Variants in GRM7 observed in about 807,000 individuals in gnomAD.
The protein encoded by GRM7 is glutamate metabotropic receptor 7, also known as metabotropic glutamate receptor 7.
GRM7 carries 35 observed loss-of-function variants against 84.5 expected under a neutral mutation model. The ratio of observed to expected loss-of-function variants is 0.41; its 90% CI spans 0.32 to 0.55. GRM7 has a LOEUF of 0.55. Among genes scored for constraint, GRM7 ranks in the 20% least tolerant of loss-of-function variants. The pLI is 0.19. For synonymous variants in GRM7, 487 were observed against 455.1 expected, an observed-to-expected ratio of 1.07 and a Z score of -0.89; for missense variants, 1,003 against 1,194.6, an observed-to-expected ratio of 0.84 and a Z score of 2.36.
chr3:7,013,768 AT>A (rs951116271), intron 1 of GRM7, among the ~76,000 whole-genome samples: 10 of 151,478 alleles, frequency 6.6e-5, no homozygotes, highest in East Asian at 1.9e-4. Context: ...ATCTCTTACA[AT>A]TTTTTTTTAA....
intron 1 of GRM7, among the ~76,000 whole-genome samples, chr3:7,119,095 C>T (rs1056191701): frequency 6.6e-6 from 1 of 151,874 alleles, no homozygotes; most frequent in Non-Finnish European, 1.5e-5. Flanking sequence ...CTTTTCTGTC[C>T]TTTATACATT....
intron 8 of GRM7, among the ~76,000 whole-genome samples, chr3:7,674,201 T>A (rs988028070): frequency 2.0e-5 from 3 of 152,086 alleles, no homozygotes; most frequent in Non-Finnish European, 2.9e-5. Context: ...TTTTTCTTTT[T>A]TTTTTTTGAG....
chr3:7,159,631 G>T (rs1056078276), intron 2 of GRM7, among the ~76,000 whole-genome samples: 3 of 152,046 alleles, frequency 2.0e-5, no homozygotes, highest in Non-Finnish European at 2.9e-5. Context: ...TTTCCTAATG[G>T]TTGGTAAGCA....
chr3:7,632,107 C>T (rs1293234489), intron 8 of GRM7, among the ~76,000 whole-genome samples: 1 of 152,146 alleles, frequency 6.6e-6, no homozygotes, highest in East Asian at 1.9e-4. Flanking sequence ...GACAGTAATG[C>T]AGGCTTGTGT....
chr3:7,441,496 T>C (rs1282328566), intron 5 of GRM7, among the ~76,000 whole-genome samples: 1 of 152,194 alleles, frequency 6.6e-6, no homozygotes, highest in Non-Finnish European at 1.5e-5. Context: ...TTAGTATAAA[T>C]AGGTCACATT....
intron 7 of GRM7, among the ~76,000 whole-genome samples, chr3:7,493,026 G>T (rs1699578143): frequency 6.6e-6 from 1 of 151,786 alleles, no homozygotes; most frequent in Non-Finnish European, 1.5e-5. Context: ...TTTCATTGCT[G>T]TTCTAGAGCA....
At chr3:7,291,466 G>A (rs1341372532) in intron 2 of GRM7, among the ~76,000 whole-genome samples, 1 of 146,794 alleles carries the variant, frequency 6.8e-6, no homozygotes, top group Non-Finnish European at 1.5e-5. Context: ...AGTACAGACA[G>A]GGTTAGAGGA....
At chr3:6,877,296 AACTC>A (rs1226791886) in intron 1 of GRM7, among the ~76,000 whole-genome samples, 1 of 152,176 alleles carries the variant, frequency 6.6e-6, no homozygotes, top group African/African-American at 2.4e-5. Flanking sequence ...AACCAAGACA[AACTC>A]ACATTAATTC....
Position 7,053,949 on chromosome 3 carries a change from T to C in GRM7, c.520-92503T>C, listed in dbSNP as rs566693098. 4.5e-4 allele frequency among the ~76,000 whole-genome samples: 68 copies of C among 151,344 alleles called. No individual in the cohort carries two copies. The South Asian group carries it at 0.014, about 31-fold the overall frequency. On this transcript the variant is annotated intron_variant, in intron 1 of 9. Coordinates refer to ENST00000357716, the MANE Select transcript of GRM7 (RefSeq NM_000844.4). ...TAATAAATCTGTAAATCATACAAAC[T>C]CTTACTGTGACAATATTGAACATGG...
At chr3:7,290,885 A>G (rs564107770) in intron 2 of GRM7, among the ~76,000 whole-genome samples, 2 of 152,184 alleles carry the variant, frequency 1.3e-5, no homozygotes, top group Non-Finnish European at 2.9e-5. Context: ...GCAGAGAGCT[A>G]GAGGCTAAGA....
chr3:7,244,463 A>G (rs989824186), intron 2 of GRM7, among the ~76,000 whole-genome samples: 1 of 152,158 alleles, frequency 6.6e-6, no homozygotes, highest in African/African-American at 2.4e-5. Context: ...AACAGCTGAA[A>G]GACTTCAAAG....
At chr3:7,409,572 GTGTT>G (rs1695826360) in intron 4 of GRM7, among the ~76,000 whole-genome samples, 1 of 129,836 alleles carries the variant, frequency 7.7e-6, no homozygotes, top group Non-Finnish European at 1.6e-5. Flanking sequence ...TCTCTGTTTT[GTGTT>G]TGTTTTGTTT....
At chr3:7,030,629 C>T (rs1013072759) in intron 1 of GRM7, among the ~76,000 whole-genome samples, 1 of 152,238 alleles carries the variant, frequency 6.6e-6, no homozygotes, top group East Asian at 1.9e-4. Flanking sequence ...CTCATATTCA[C>T]AGTCATTTGA....
At chr3:7,245,109 CAG>C (rs1697709000) in intron 2 of GRM7, among the ~76,000 whole-genome samples, 1 of 151,720 alleles carries the variant, frequency 6.6e-6, no homozygotes. Flanking sequence ...GAAAGGTAAA[CAG>C]AAATCTCAAC....
intron 7 of GRM7, among the ~76,000 whole-genome samples, chr3:7,468,245 T>A (rs1698542302): frequency 6.6e-6 from 1 of 152,196 alleles, no homozygotes; most frequent in Admixed American, 6.5e-5. Flanking sequence ...GGTGTCAAAA[T>A]CTAGTACTTC....
chr3:7,651,742 C>T (rs192113417), intron 8 of GRM7, among the ~76,000 whole-genome samples: 4 of 152,232 alleles, frequency 2.6e-5, no homozygotes, highest in Admixed American at 1.3e-4. Flanking sequence ...ATAACAGAGT[C>T]CCATCCCTCA....
intron 1 of GRM7, among the ~76,000 whole-genome samples, chr3:7,086,603 C>T (rs1206386179): frequency 6.6e-6 from 1 of 152,190 alleles, no homozygotes; most frequent in African/African-American, 2.4e-5. Context: ...TGTTTGCCAG[C>T]CTCTAGAGCT....
chr3:7,650,157 G>A lies in GRM7; in HGVS notation c.2452-29892G>A, dbSNP rs370364395. The stretch of plus-strand genomic sequence containing the variant: ...TTAAAAAATGACTTAATGATGTTTC[G>A]AGGTTAATGCTATTAAGTAACATTA... On this transcript the variant is annotated intron_variant, in intron 8 of 9. Transcript: ENST00000357716. 5.0e-4 allele frequency among the ~76,000 whole-genome samples: 76 copies of A among 152,226 alleles called. 1 individual carries two copies. The South Asian group carries it at 0.015, about 29-fold the overall frequency.
chr3:7,232,977 A>T (rs550599672), intron 2 of GRM7, among the ~76,000 whole-genome samples: 4 of 152,288 alleles, frequency 2.6e-5, no homozygotes, highest in Admixed American at 1.3e-4. Context: ...GTTAATAAAG[A>T]GCTCGTCTGA....
Sources: allele counts gnomAD v4.1 joint callset (sites outside exome capture counted in the v4.1 genomes callset), GRCh38; gene constraint gnomAD v4.1.1; transcripts MANE v1.5; gene names NCBI Gene and HGNC (gene_info 2026-07-23, HGNC 2026-07-21).